NDST4: variants seen among roughly 807,000 people sequenced by gnomAD.
The protein encoded by NDST4 is N-heparan sulfate sulfotransferase 4.
In NDST4, 63 loss-of-function variants were observed where a neutral mutation model predicts 100.8. The ratio of observed to expected loss-of-function variants is 0.62; its 90% CI spans 0.51 to 0.77. The LOEUF is 0.77. Ranked by LOEUF, NDST4 falls within the 30% of genes least tolerant of loss-of-function variation. The pLI is 0.00. For synonymous variants in NDST4, 377 were observed against 361.8 expected (o/e 1.04, Z -0.48); for missense variants, 943 against 1,018.4 (o/e 0.93, Z 1.01).
chr4:114,878,950 T>A (rs940822137), intron 6 of NDST4, among the ~76,000 whole-genome samples: 9 of 152,108 alleles, frequency 5.9e-5, no homozygotes, highest in African/African-American at 2.2e-4. Context: ...AAATTTTGGA[T>A]ACGTGTATAC....
At chr4:115,013,366 T>TATATATATATATA (rs1401518629) in intron 2 of NDST4, among the ~76,000 whole-genome samples, 4 of 118,044 alleles carry the variant, frequency 3.4e-5, no homozygotes, top group African/African-American at 1.3e-4. Context: ...TATATATATA[T>TATATATATATATA]ATATACACAC....
At chr4:115,000,060 C>T (rs1266061012) in intron 2 of NDST4, among the ~76,000 whole-genome samples, 2 of 151,630 alleles carry the variant, frequency 1.3e-5, no homozygotes, top group African/African-American at 4.8e-5. Flanking sequence ...TAATCTAATG[C>T]CATAGCATTA....
intron 2 of NDST4, among the ~76,000 whole-genome samples, chr4:115,024,005 A>G (rs949649254): frequency 6.6e-6 from 1 of 152,102 alleles, no homozygotes; most frequent in African/African-American, 2.4e-5. Context: ...GCCACACTGG[A>G]AGGTACAAGT....
intron 2 of NDST4, among the ~76,000 whole-genome samples, chr4:114,993,369 C>T (rs1198051773): frequency 6.6e-6 from 1 of 151,792 alleles, no homozygotes; most frequent in Admixed American, 6.6e-5. Flanking sequence ...CTTACTTGAA[C>T]GTTCCTTCAC....
intron 4 of NDST4, among the ~76,000 whole-genome samples, chr4:114,951,109 AAGG>A (rs1455891474): frequency 6.6e-6 from 1 of 152,096 alleles, no homozygotes; most frequent in African/African-American, 2.4e-5. Flanking sequence ...TGACAAATGA[AAGG>A]AGGGATGTAG....
chr4:114,923,871 T>G (rs565456419), intron 6 of NDST4, among the ~76,000 whole-genome samples: 1 of 151,820 alleles, frequency 6.6e-6, no homozygotes, highest in African/African-American at 2.4e-5. Flanking sequence ...TAGCCAGTTA[T>G]ACTAGATGGA....
chr4:114,898,945 A>G (rs955498443), intron 6 of NDST4, among the ~76,000 whole-genome samples: 2 of 152,040 alleles, frequency 1.3e-5, no homozygotes, highest in Admixed American at 6.6e-5. Flanking sequence ...GATGTTTTAC[A>G]TAGACAATCA....
chr4:114,916,617 T>G, intron 6 of NDST4, among the ~76,000 whole-genome samples: 1 of 148,754 alleles, frequency 6.7e-6, no homozygotes, highest in Non-Finnish European at 1.5e-5. Flanking sequence ...GCAGTGGAAA[T>G]GCACTCACTT....
intron 1 of NDST4, among the ~76,000 whole-genome samples, chr4:115,087,936 TTC>T (rs1229950999): frequency 1.3e-5 from 2 of 151,964 alleles, no homozygotes; most frequent in African/African-American, 2.4e-5. Flanking sequence ...AAATTCTTAT[TTC>T]TTTCTATATT....
At chr4:114,996,898 G>A (rs1208765581) in intron 2 of NDST4, among the ~76,000 whole-genome samples, 1 of 151,998 alleles carries the variant, frequency 6.6e-6, no homozygotes, top group Non-Finnish European at 1.5e-5. Context: ...AAAAAGTCAT[G>A]TTTAGAAGAA....
At chr4:114,959,121 C>T (rs1176036473) in intron 4 of NDST4, among the ~76,000 whole-genome samples, 3 of 152,188 alleles carry the variant, frequency 2.0e-5, no homozygotes, top group African/African-American at 7.2e-5. Flanking sequence ...TCTGAGACCA[C>T]TTCAGACTGG....
intron 2 of NDST4, among the ~76,000 whole-genome samples, chr4:114,994,970 G>A (rs1727128462): frequency 6.6e-6 from 1 of 151,876 alleles, no homozygotes; most frequent in African/African-American, 2.4e-5. Flanking sequence ...GTCACTTCAG[G>A]AAGTCTGAAA....
At chr4:115,079,653 A>T (rs981456560) in intron 1 of NDST4, among the ~76,000 whole-genome samples, 1 of 152,192 alleles carries the variant, frequency 6.6e-6, no homozygotes, top group Non-Finnish European at 1.5e-5. Flanking sequence ...ATCAGAGAGA[A>T]TTAAACTAGC....
intron 2 of NDST4, among the ~76,000 whole-genome samples, chr4:115,049,671 T>G (rs1728542432): frequency 6.6e-6 from 1 of 152,110 alleles, no homozygotes. Flanking sequence ...GGGCAATGAT[T>G]AAAGATGTAG....
intron 2 of NDST4, among the ~76,000 whole-genome samples, chr4:115,025,269 G>A (rs1393846734): frequency 6.6e-6 from 1 of 152,110 alleles, no homozygotes; most frequent in Admixed American, 6.6e-5. Flanking sequence ...ATCTGAGCCT[G>A]ACTACTTGCA....
intron 2 of NDST4, among the ~76,000 whole-genome samples, chr4:115,002,387 T>A (rs757316449): frequency 1.3e-5 from 2 of 152,210 alleles, no homozygotes; most frequent in Non-Finnish European, 2.9e-5. Flanking sequence ...TTGTAGATTC[T>A]GGATATTAGC....
At position 114,829,792 on chromosome 4, in the gene NDST4, C is replaced by T. The variant is rs767519281; in HGVS notation, c.2497G>A (p.Glu833Lys). 1 of 1,603,106 alleles carries T rather than the reference C, an allele frequency of 6.2e-7. No individual in the cohort carries two copies. The highest frequency in any genetic ancestry group is 8.5e-7 in the Non-Finnish European group (1 of 1,175,508). Reference protein sequence around the residue: ...KGRKYPPMDPESRTFLSNYYR... With the variant: ...KGRKYPPMDPKSRTFLSNYYR... ...TTCAAAGATTAAAAAATTATTACCT[C>T]TGGATCCATAGGTGGATATTTTCGG... is the stretch of plus-strand genomic sequence containing the variant. The change falls in exon 13 of 14, where the codon GAG becomes AAG. Residue 833 changes from glutamate to lysine, a missense_variant and splice_region_variant. Coordinates refer to ENST00000264363, the MANE Select transcript of NDST4 (RefSeq NM_022569.3).
chr4:115,081,099 T>TAA (rs34184149), intron 1 of NDST4, among the ~76,000 whole-genome samples: 30,607 of 148,776 alleles, frequency 0.21, 3,895 homozygotes, highest in East Asian at 0.45. Context: ...AAAAATAAAT[T>TAA]AAAAAAAAAA....
intron 2 of NDST4, among the ~76,000 whole-genome samples, chr4:115,073,223 T>C (rs1054919728): frequency 2.0e-5 from 3 of 151,910 alleles, no homozygotes; most frequent in African/African-American, 7.2e-5. Flanking sequence ...GGTGGAAATG[T>C]AAACAGTATA....
Sources: allele counts gnomAD v4.1 joint callset (sites outside exome capture counted in the v4.1 genomes callset), GRCh38; gene constraint gnomAD v4.1.1; transcripts MANE v1.5; gene names NCBI Gene and HGNC (gene_info 2026-07-23, HGNC 2026-07-21).